CYB5R4: variants seen among roughly 807,000 people sequenced by gnomAD.
The protein encoded by CYB5R4 is cytochrome b5 reductase 4, also known as N-terminal cytochrome b5 and cytochrome b5 oxidoreductase domain-containing protein.
A neutral mutation model predicts 70.2 loss-of-function variants in CYB5R4; 55 were observed. The ratio of observed to expected loss-of-function variants is 0.78; its 90% CI spans 0.63 to 0.98. The LOEUF (loss-of-function observed/expected upper bound fraction) is 0.98. Among genes scored for constraint, CYB5R4 ranks in the 50% least tolerant of loss-of-function variants. The pLI is 0.00. For missense variants in CYB5R4, 562 were observed against 612.6 expected, an observed-to-expected ratio of 0.92 and a Z score of 0.87; for synonymous variants, 197 against 199.5, an observed-to-expected ratio of 0.99 and a Z score of 0.11.
At chr6:83,885,015 C>T (rs1195643957) in intron 2 of CYB5R4, among the ~76,000 whole-genome samples, 1 of 151,876 alleles carries the variant, frequency 6.6e-6, no homozygotes, top group African/African-American at 2.4e-5. Flanking sequence ...TTGAAGACTC[C>T]AAGGACTATT....
chr6:83,877,347 T>A (rs953823363), intron 2 of CYB5R4, among the ~76,000 whole-genome samples: 2 of 152,200 alleles, frequency 1.3e-5, no homozygotes, highest in African/African-American at 4.8e-5. Flanking sequence ...TCCCATAGTA[T>A]GTGTCTTAGT....
intron 3 of CYB5R4, among the ~76,000 whole-genome samples, chr6:83,903,693 G>GT (rs1303243424): frequency 2.0e-5 from 3 of 151,642 alleles, no homozygotes; most frequent in African/African-American, 7.2e-5. Flanking sequence ...GTTCTTGGGA[G>GT]TTTTTTTTAT....
chr6:83,914,611 C>A (rs1418082481), intron 5 of CYB5R4, among the ~76,000 whole-genome samples, 163 bp downstream of exon 5: 2 of 152,026 alleles, frequency 1.3e-5, no homozygotes, highest in African/African-American at 4.8e-5. Context: ...CATCTCAGCT[C>A]ACTGTAACCT....
chr6:83,881,956 A>C (rs6902046), intron 2 of CYB5R4, among the ~76,000 whole-genome samples: 29,837 of 152,180 alleles, frequency 0.2, 6,346 homozygotes, highest in African/African-American at 0.52. Context: ...TTGAAGTTGG[A>C]AAGTTTTATT....
intron 14 of CYB5R4, among the ~76,000 whole-genome samples, chr6:83,953,078 C>G (rs554183865): frequency 6.6e-6 from 1 of 152,092 alleles, no homozygotes; most frequent in Admixed American, 6.6e-5. Context: ...TTGTGTTGCT[C>G]AGAATGTGTT....
intron 3 of CYB5R4, among the ~76,000 whole-genome samples, chr6:83,903,391 T>C (rs1217528295): frequency 6.6e-6 from 1 of 152,128 alleles, no homozygotes; most frequent in African/African-American, 2.4e-5. Flanking sequence ...TGTTTTATTA[T>C]ATTTTTGATG....
chr6:83,905,703 G>A (rs184233331), intron 3 of CYB5R4, among the ~76,000 whole-genome samples: 318 of 152,170 alleles, frequency 2.1e-3, no homozygotes, highest in African/African-American at 7.1e-3. Context: ...TGGGCCTCTT[G>A]GTGGCCTAGT....
intron 6 of CYB5R4, 120 bp downstream of exon 6, chr6:83,918,185 C>A: frequency 1.6e-6 from 1 of 641,020 alleles, no homozygotes; most frequent in Non-Finnish European, 2.7e-6. Context: ...TGCTCTTTGA[C>A]ACAAGAACTG....
chr6:83,934,631 A>G lies in CYB5R4; in HGVS notation c.851A>G (p.Glu284Gly). 1 of 1,612,680 alleles carries G rather than the reference A, an allele frequency of 6.2e-7. No homozygotes were observed. Among genetic ancestry groups the G allele is most frequent in the Non-Finnish European group, 8.5e-7 (1 of 1,178,912 alleles). Residue 284 changes from glutamate (E) to glycine (G), a missense_variant, in exon 11 of 16, where the codon GAA (glutamate) becomes GGA (glycine). By Grantham distance (98) the Glu-to-Gly change is moderately conservative. Transcript: ENST00000369681. Reference protein sequence around the residue: ...YYRKCQLISKEDVTHDTRLFC... With the variant: ...YYRKCQLISKGDVTHDTRLFC... ...AGAAAGTGCCAGTTAATTTCCAAGG[A>G]AGATGTTACTCATGATACGAGGCTT...
intron 10 of CYB5R4, among the ~76,000 whole-genome samples, chr6:83,928,753 T>G (rs575208939): frequency 7.2e-4 from 110 of 152,154 alleles, no homozygotes; most frequent in Non-Finnish European, 1.4e-3. Context: ...AAGGTATTTT[T>G]AGAGTGAAGT....
chr6:83,882,590 A>G (rs2099459629), intron 2 of CYB5R4, among the ~76,000 whole-genome samples: 1 of 152,216 alleles, frequency 6.6e-6, no homozygotes, highest in Non-Finnish European at 1.5e-5. Context: ...TCAAGAGAAA[A>G]GGCAGTTATT....
At chr6:83,895,429 A>G (rs1268182451) in intron 3 of CYB5R4, among the ~76,000 whole-genome samples, 1 of 152,018 alleles carries the variant, frequency 6.6e-6, no homozygotes, top group Non-Finnish European at 1.5e-5. Flanking sequence ...GCCGCCCTAA[A>G]TGCTGGGATT....
intron 10 of CYB5R4, among the ~76,000 whole-genome samples, chr6:83,928,998 G>A (rs1423536321): frequency 2.6e-5 from 4 of 152,062 alleles, no homozygotes; most frequent in Admixed American, 2.6e-4. Flanking sequence ...AAAAAAGAAA[G>A]GTTTAGCTTT....
At chr6:83,887,193 G>A (rs2099460382) in intron 2 of CYB5R4, among the ~76,000 whole-genome samples, 1 of 152,126 alleles carries the variant, frequency 6.6e-6, no homozygotes, top group Non-Finnish European at 1.5e-5. Flanking sequence ...AAAAAGTGGT[G>A]AGCTACTAGG....
chr6:83,916,040 G>GT (rs139744691), intron 5 of CYB5R4, among the ~76,000 whole-genome samples: 214 of 151,458 alleles, frequency 1.4e-3, no homozygotes, highest in African/African-American at 2.6e-3. Context: ...AAGTTTGAGG[G>GT]TTTTTTTTGT....
intron 10 of CYB5R4, among the ~76,000 whole-genome samples, chr6:83,928,151 T>C (rs2099467620): frequency 6.6e-6 from 1 of 152,174 alleles, no homozygotes; most frequent in South Asian, 2.1e-4. Flanking sequence ...CCAATAAGTA[T>C]TTCTTTTTAA....
At chr6:83,929,489 A>G (rs554402949) in intron 10 of CYB5R4, 2 of 152,174 alleles carry the variant, frequency 1.3e-5, no homozygotes, top group Non-Finnish European at 2.9e-5. Context: ...TTCATTTTTT[A>G]CCTTCCATCC....
intron 2 of CYB5R4, among the ~76,000 whole-genome samples, chr6:83,888,141 A>G (rs1249713436): frequency 1.3e-5 from 2 of 152,156 alleles, no homozygotes; most frequent in African/African-American, 4.8e-5. Context: ...GAGCAATTAG[A>G]GATGTGGGAA....
intron 7 of CYB5R4, among the ~76,000 whole-genome samples, chr6:83,920,141 A>G (rs2099466144): frequency 6.6e-6 from 1 of 152,212 alleles, no homozygotes; most frequent in Non-Finnish European, 1.5e-5. Context: ...TATGCAGACA[A>G]TTTAAAATAT....
Sources: gnomAD v4.1 joint callset for allele counts (sites outside exome capture counted in the v4.1 genomes callset) on GRCh38, gnomAD v4.1.1 for gene constraint, MANE v1.5 for transcripts, NCBI Gene and HGNC (gene_info 2026-07-23, HGNC 2026-07-21) for gene names.